Variants in RFC2 observed in about 807,000 individuals in gnomAD.
RFC2 encodes A1 40 kDa subunit.
RFC2 carries 34 observed loss-of-function variants against 44.8 expected under a neutral mutation model. That is an observed-to-expected ratio of 0.76 (90% CI 0.58 to 1.01). The LOEUF (loss-of-function observed/expected upper bound fraction) is 1.01. Ranked by LOEUF, RFC2 falls within the 50% of genes least tolerant of loss-of-function variation. The pLI is 0.00. For synonymous variants in RFC2, 177 were observed against 168.9 expected (o/e 1.05, Z -0.37); for missense variants, 400 against 453.6 (o/e 0.88, Z 1.07).
Position 74,237,381 on chromosome 7 carries a change from T to C in RFC2, c.821A>G (p.Asn274Ser), listed in dbSNP as rs868909447. Residue 274 changes from asparagine to serine, a missense_variant, in exon 9 of 11, where the codon AAC (asparagine) becomes AGC (serine). Asn to Ser is a conservative substitution (Grantham distance 46). Transcript: ENST00000055077. ...GCCAACCTTGTAGGCTTCGTCAATG[T>C]TGGCATTCACACAGTGCTGGATCAT... ...KEMIQHCVNA[N>S]IDEAYKILAH... The C allele has an allele frequency of 3.1e-6, 5 of 1,605,570 alleles. No individual in the cohort carries two copies. Among genetic ancestry groups the C allele is most frequent in the East Asian group, 4.5e-5 (2 of 44,684 alleles).
intron 9 of RFC2, 23 bp downstream of exon 9, chr7:74,237,339 A>C (rs782483250): frequency 1.0e-5 from 16 of 1,577,310 alleles, no homozygotes; most frequent in African/African-American, 1.3e-5. Context: ...TTCCTCTGCC[A>C]GGACGGGGGG....
rs782048952 is a variant in RFC2 at position 74,238,929 on chromosome 7, C to G, written c.753G>C (p.Val251=). The G allele has an allele frequency of 3.1e-6, 5 of 1,613,620 alleles. No homozygotes were observed. Among genetic ancestry groups the G allele is most frequent in the Non-Finnish European group, 4.2e-6 (5 of 1,179,648 alleles). ...CCCACACTAGCGCTTGTACCTTGAA[C>G]ACGTTCTCACTGTTAATGAAGCCAA... ...SGFGFINSEN[V]FKVCDEPHPL... is the part of the protein sequence containing the mutation. The change falls in exon 8 of 11, where the codon GTG becomes GTC. Residue 251 remains valine, a synonymous_variant. Coordinates refer to ENST00000055077, the MANE Select transcript of RFC2 (RefSeq NM_181471.3). This position sits in a 1 kb window ranked among gnomAD's most constrained non-coding sequence, Gnocchi z 4.0.
rs73705358 is a variant in RFC2 at position 74,249,793 on chromosome 7, T to C, written c.184-13A>G. The stretch of plus-strand genomic sequence containing the variant: ...CCCTTGCAAAGACCTACGGCGAAAA[T>C]GATCATTAAAACCGGTTAAAACTTG... On this transcript the variant is annotated splice_polypyrimidine_tract_variant and intron_variant, in intron 2 of 10. Transcript: ENST00000055077. The C allele has an allele frequency of 3.6e-4, 580 of 1,612,016 alleles. 5 individuals carry two copies. The African/African-American group carries it at 6.6e-3, about 18-fold the overall frequency.
intron 10 of RFC2, among the ~76,000 whole-genome samples, chr7:74,233,602 T>G (rs1460719050): frequency 1.3e-5 from 2 of 149,530 alleles, no homozygotes; most frequent in South Asian, 2.1e-4. Context: ...TTGGTTTTTT[T>G]TTTTTTTTTT....
chr7:74,245,100 G>A (rs1554719783), intron 5 of RFC2, among the ~76,000 whole-genome samples: 1 of 150,296 alleles, frequency 6.7e-6, no homozygotes, highest in African/African-American at 2.5e-5. Flanking sequence ...CATGATCTCA[G>A]CTCACCACAA....
chr7:74,252,283 T>C (rs1328722588), intron 2 of RFC2, 146 bp downstream of exon 2: 4 of 536,088 alleles, frequency 7.5e-6, no homozygotes, highest in Non-Finnish European at 1.4e-5. Flanking sequence ...GGTGGGCACC[T>C]GTAGTCCCAG....
rs182930253 is a variant in RFC2, at chr7:74,233,605, T to A, written c.955-1389A>T. Among the ~76,000 whole-genome samples the A allele has an allele frequency of 6.3e-3, 941 of 149,564 alleles. 11 individuals are homozygous for A. Among genetic ancestry groups the A allele is most frequent in the African/African-American group, 0.022 (892 of 40,814 alleles). ...TTGTTGTTGTTATTGGTTTTTTTTT[T>A]TTTTTTTTTTTTAAGATGGAGTCTC... On this transcript the variant is annotated intron_variant, in intron 10 of 10. Coordinates refer to ENST00000055077, the MANE Select transcript of RFC2 (RefSeq NM_181471.3).
intron 5 of RFC2, among the ~76,000 whole-genome samples, chr7:74,246,214 T>TAC (rs1554719974): frequency 4.2e-5 from 6 of 142,848 alleles, no homozygotes; most frequent in African/African-American, 7.9e-5. Flanking sequence ...AATAAATAAA[T>TAC]AAATACAAAT....
chr7:74,254,121 T>C, intron 1 of RFC2, 150 bp downstream of exon 1: 1 of 673,172 alleles, frequency 1.5e-6, no homozygotes, highest in Non-Finnish European at 2.7e-6. Flanking sequence ...CGTCGCCTTC[T>C]TGAAATCATC....
At position 74,237,442 on chromosome 7, in the gene RFC2, C is replaced by T; in HGVS notation, c.760G>A (p.Val254Ile). ...GFINSENVFK[V>I]CDEPHPLLVK... ...AGCAGTGGGTGGGGCTCGTCACAGACCTGGCCAAAGGGAAAGGAAAGGCGG... is the reference window on the plus strand; with the variant it reads ...AGCAGTGGGTGGGGCTCGTCACAGATCTGGCCAAAGGGAAAGGAAAGGCGG... The change falls in exon 9 of 11, where the codon GTC becomes ATC. Residue 254 changes from valine (V) to isoleucine (I), a missense_variant and splice_region_variant. Physicochemically the swap from Val to Ile is conservative, Grantham distance 29. Transcript: ENST00000055077. The T allele has an allele frequency of 1.3e-6, 2 of 1,580,356 alleles. No homozygotes were observed. The highest frequency in any genetic ancestry group is 8.6e-7 in the Non-Finnish European group (1 of 1,159,774).
chr7:74,240,136 G>A, intron 6 of RFC2, 41 bp from the exon 7 acceptor site: 1 of 1,582,770 alleles, frequency 6.3e-7, no homozygotes, highest in Non-Finnish European at 8.7e-7. Context: ...CCCTGCAGAG[G>A]CCGGCATCAT....
chr7:74,234,757 G>T (rs911095299), intron 10 of RFC2, among the ~76,000 whole-genome samples: 12 of 152,092 alleles, frequency 7.9e-5, no homozygotes, highest in Admixed American at 7.9e-4. Context: ...GTTCTCAACA[G>T]GTGGTCTCTG....
Position 74,232,201 on chromosome 7 carries a change from G to T in RFC2, c.970C>A (p.His324Asn). 1.2e-6 allele frequency: 2 copies of T among 1,605,496 alleles called. No individual in the cohort carries two copies. Among genetic ancestry groups the T allele is most frequent in the Non-Finnish European group, 1.7e-6 (2 of 1,172,320 alleles). The change falls in exon 11 of 11, where the codon CAC becomes AAC. Residue 324 changes from histidine to asparagine, a missense_variant. His to Asn is a moderately conservative substitution (Grantham distance 68, BLOSUM62 1). Coordinates refer to ENST00000055077, the MANE Select transcript of RFC2 (RefSeq NM_181471.3). ...TTCACTCCTTCCGCTATTTTCATGT[G>T]AGTGTATCCAATTTCCTGAAAAACA... ...LEFIKEIGYT[H>N]MKIAEGVNSL...
chr7:74,232,233 A>C lies in RFC2; in HGVS notation c.955-17T>G. 3 of 1,395,420 alleles carry C rather than the reference A, an allele frequency of 2.1e-6. No individual in the cohort carries two copies. Among genetic ancestry groups the C allele is most frequent in the Non-Finnish European group, 3.1e-6 (3 of 981,988 alleles). The allele number at this position is 1,395,420 out of a possible 1,614,324, so 86.4% of individuals were successfully genotyped here. A position where few individuals can be genotyped will look rare whatever the true frequency, so the allele number is the denominator to read the frequency against. On this transcript the variant is annotated splice_polypyrimidine_tract_variant and intron_variant, in intron 10 of 10. Coordinates refer to ENST00000055077, the MANE Select transcript of RFC2 (RefSeq NM_181471.3). ...TCCAATTTCCTGAAAAACAAACCAA[A>C]TTCAAATCTGGTTAATAAGTGGGGG...
chr7:74,247,108 G>C (rs75269269), intron 4 of RFC2, among the ~76,000 whole-genome samples: 3,714 of 148,202 alleles, frequency 0.025, 165 homozygotes, highest in African/African-American at 0.086. Context: ...CCCCAGCCTG[G>C]CGATAATTCG....
In RFC2 at chr7:74,248,934, A is replaced by G. The variant is rs1186384672; in HGVS notation, c.332+78T>C. ...CTGGCAAGGCTTCGCATACAACCCA[A>G]TGCTGAGAAAGGTTGTTTCTGTAAC... is the stretch of plus-strand genomic sequence containing the variant. On this transcript the variant is annotated intron_variant, in intron 4 of 10. Transcript: ENST00000055077. 15 of 1,007,600 alleles carry G rather than the reference A, an allele frequency of 1.5e-5. No individual in the cohort carries two copies. The Admixed American group carries it at 2.4e-4, about 16-fold the overall frequency. The allele number at this position is 1,007,600 out of a possible 1,614,324, so 62.4% of individuals were successfully genotyped here.
rs1554721637 is a variant in RFC2 at position 74,254,380 on chromosome 7, C to G, written c.4G>C (p.Glu2Gln). 1 of 1,595,726 alleles carries G rather than the reference C, an allele frequency of 6.3e-7. No individual in the cohort carries two copies. The change falls in exon 1 of 11, where the codon GAG (glutamate) becomes CAG (glutamine). Residue 2 changes from glutamate (E) to glutamine (Q), a missense_variant. Glu to Gln is a conservative substitution (Grantham distance 29, BLOSUM62 2). Coordinates refer to ENST00000055077, the MANE Select transcript of RFC2 (RefSeq NM_181471.3). ...GCGCCACCACAGACGGCCTCCACCT[C>G]CATTCTCGCGCCTCCTCTTCCCGCC... is the stretch of plus-strand genomic sequence containing the variant. M[E>Q]VEAVCGGAGE... is the part of the protein sequence containing the mutation.
chr7:74,232,738 G>A (rs1335198819), intron 10 of RFC2, among the ~76,000 whole-genome samples: 3 of 152,150 alleles, frequency 2.0e-5, no homozygotes, highest in Admixed American at 1.3e-4. Context: ...GGTGGCGCAC[G>A]CCTGTAATCC....
chr7:74,246,619 A>C, intron 5 of RFC2, 43 bp downstream of exon 5: 1 of 1,315,924 alleles, frequency 7.6e-7, no homozygotes, highest in East Asian at 2.4e-5. Context: ...CGAAAAAGAG[A>C]TTTAGAGATC....
Sources: gnomAD v4.1 joint callset for allele counts (sites outside exome capture counted in the v4.1 genomes callset) on GRCh38, gnomAD v4.1.1 for gene constraint, Gnocchi (gnomAD v3.1) non-coding constraint, MANE v1.5 for transcripts, NCBI Gene and HGNC (gene_info 2026-07-23, HGNC 2026-07-21) for gene names.